The following ACAD10 variants were observed in gnomAD, a reference collection of about 807,000 sequenced individuals.
The protein encoded by ACAD10 is ACAD-10.
Under a neutral mutation model 116.8 loss-of-function variants are expected in ACAD10, and 112 were observed. The observed-to-expected ratio is 0.96, with a 90% confidence interval of 0.82 to 1.12. The LOEUF (loss-of-function observed/expected upper bound fraction) is 1.12. Ranked by LOEUF, ACAD10 falls within the 50% of genes most tolerant of loss-of-function variation. The pLI is 0.00. For missense variants in ACAD10, 1,259 were observed against 1,350.2 expected, an observed-to-expected ratio of 0.93 and a Z score of 1.06; for synonymous variants, 486 against 510.6, an observed-to-expected ratio of 0.95 and a Z score of 0.65.
In ACAD10 at chr12:111,736,956, T is replaced by C. The variant is rs1029251034; in HGVS notation, c.1666T>C (p.Phe556Leu). 1 of 1,614,012 alleles carries C rather than the reference T, an allele frequency of 6.2e-7. No homozygotes were observed. Among genetic ancestry groups the C allele is most frequent in the Middle Eastern group, 1.7e-4 (1 of 6,060 alleles). The change falls in exon 12 of 21, where the codon TTC becomes CTC. Residue 556 changes from phenylalanine to leucine, a missense_variant. Physicochemically the swap from Phe to Leu is conservative, Grantham distance 22. Transcript: ENST00000313698. The part of the protein sequence containing the change: ...NWNFYMAFSF[F>L]RVAAILQGVY... Reference sequence around the variant, plus strand: ...GAACTTCTATATGGCTTTTTCCTTTTTCCGTGTGGCTGCAATCCTACAGGG... The same window carrying C: ...GAACTTCTATATGGCTTTTTCCTTTCTCCGTGTGGCTGCAATCCTACAGGG...
intron 18 of ACAD10, among the ~76,000 whole-genome samples, chr12:111,749,947 G>A (rs1228937861): frequency 3.3e-5 from 5 of 150,780 alleles, no homozygotes; most frequent in Non-Finnish European, 5.9e-5. Flanking sequence ...GCTAATTTTT[G>A]TATTTTTAGT....
chr12:111,755,831 A>G, intron 20 of ACAD10, 86 bp downstream of exon 20: 1 of 1,295,836 alleles, frequency 7.7e-7, no homozygotes. Flanking sequence ...AGCCTCCCAT[A>G]GACCCTGGCA....
chr12:111,746,013 T>C lies in ACAD10; in HGVS notation c.2116-131T>C, dbSNP rs1307509742. On this transcript the variant is annotated intron_variant, in intron 13 of 20. Transcript: ENST00000313698. ...CAGCCACCATGCCCAGCTCCTCATATCATTTTTTTGGGCACACGTGCATGT... is the reference window on the plus strand; with the variant it reads ...CAGCCACCATGCCCAGCTCCTCATACCATTTTTTTGGGCACACGTGCATGT... 6.0e-6 allele frequency: 7 copies of C among 1,160,012 alleles called. No homozygotes were observed. In the Admixed American group the frequency reaches 1.0e-4, roughly 17 times the overall value. The allele number at this position is 1,160,012 out of a possible 1,614,324, so 71.9% of individuals were successfully genotyped here. A position where few individuals can be genotyped will look rare whatever the true frequency, so the allele number is the denominator to read the frequency against.
At chr12:111,738,759 CAG>C (rs1226554230) in intron 12 of ACAD10, among the ~76,000 whole-genome samples, 9 of 151,630 alleles carry the variant, frequency 5.9e-5, no homozygotes, top group Admixed American at 1.3e-4. Context: ...CCCAGCTACT[CAG>C]GGGACTGAGG....
chr12:111,727,879 A>C, intron 8 of ACAD10, 83 bp from the exon 9 acceptor site: 2 of 1,386,472 alleles, frequency 1.4e-6, no homozygotes, highest in Non-Finnish European at 2.0e-6. Flanking sequence ...ATACCCAGGG[A>C]AAGTGACAAA....
chr12:111,723,708 G>A (rs1211397257), intron 8 of ACAD10, among the ~76,000 whole-genome samples: 2 of 149,678 alleles, frequency 1.3e-5, no homozygotes, highest in East Asian at 4.2e-4. Flanking sequence ...CTCCCTCCCG[G>A]ACGGGGTGGC....
intron 7 of ACAD10, among the ~76,000 whole-genome samples, chr12:111,716,208 T>TC (rs888476023): frequency 7.4e-5 from 11 of 147,954 alleles, no homozygotes; most frequent in South Asian, 2.2e-4. Context: ...CTACCCCCCA[T>TC]CCCCCCCCAA....
chr12:111,713,138 C>G (rs1888740614), intron 6 of ACAD10, among the ~76,000 whole-genome samples: 1 of 151,820 alleles, frequency 6.6e-6, no homozygotes, highest in African/African-American at 2.4e-5. Context: ...TGGTGAAACC[C>G]TGTCTCTACT....
At chr12:111,741,867 C>G (rs1051178289) in intron 12 of ACAD10, among the ~76,000 whole-genome samples, 3 of 152,134 alleles carry the variant, frequency 2.0e-5, no homozygotes, top group Non-Finnish European at 2.9e-5. Context: ...GTATCTGTTT[C>G]CAAGACATTC....
intron 7 of ACAD10, among the ~76,000 whole-genome samples, chr12:111,719,867 A>C (rs1035393122): frequency 6.6e-6 from 1 of 152,036 alleles, no homozygotes. Context: ...AGATGGGACT[A>C]CAGGTGCCCA....
chr12:111,718,067 T>C (rs1300364475), intron 7 of ACAD10, among the ~76,000 whole-genome samples: 1 of 123,178 alleles, frequency 8.1e-6, no homozygotes, highest in East Asian at 4.5e-4. Context: ...TTTTTTTTTT[T>C]GAAATGGAGT....
At chr12:111,747,461 G>C in intron 16 of ACAD10, 76 bp downstream of exon 16, 1 of 1,593,472 alleles carries the variant, frequency 6.3e-7, no homozygotes. Context: ...CAATGCCTGG[G>C]AGGAGCCTCT....
chr12:111,701,713 C>T (rs187717480), intron 2 of ACAD10, among the ~76,000 whole-genome samples: 2 of 152,148 alleles, frequency 1.3e-5, no homozygotes, highest in South Asian at 2.1e-4. Flanking sequence ...GCATTTCAGG[C>T]GAACATTTCA....
At position 111,755,729 on chromosome 12, in the gene ACAD10, T is replaced by A; in HGVS notation, c.3023T>A (p.Ile1008Asn). The change falls in exon 20 of 21, where the codon ATT (isoleucine) becomes AAT (asparagine). Residue 1008 changes from isoleucine (I) to asparagine (N), a missense_variant. By Grantham distance (149) the Ile-to-Asn change is moderately radical. Transcript: ENST00000313698. ...MVAPSMASRVIDRAIQAFGAA... is the reference protein window; with the variant it reads ...MVAPSMASRVNDRAIQAFGAA... ...GCCCCGTCCATGGCCTCCCGAGTGA[T>A]TGATCGTGCGATTCAGGTGAGCACA... The A allele has an allele frequency of 6.2e-7, 1 of 1,613,914 alleles. No homozygotes were observed. The highest frequency in any genetic ancestry group is 1.1e-5 in the South Asian group (1 of 91,078).
intron 8 of ACAD10, among the ~76,000 whole-genome samples, chr12:111,722,941 C>A (rs1889063597): frequency 6.6e-6 from 1 of 151,830 alleles, no homozygotes; most frequent in African/African-American, 2.4e-5. Context: ...AGAGGGGCTC[C>A]TCACTTCCCA....
At chr12:111,732,533 C>A (rs774575908) in intron 10 of ACAD10, among the ~76,000 whole-genome samples, 1 of 152,076 alleles carries the variant, frequency 6.6e-6, no homozygotes, top group Non-Finnish European at 1.5e-5. Flanking sequence ...AACAAAAAAG[C>A]ACGTACAATA....
At chr12:111,691,168 G>A (rs189849900) in intron 1 of ACAD10, 3 of 152,162 alleles carry the variant, frequency 2.0e-5, no homozygotes, top group Admixed American at 6.6e-5. Context: ...AGTGTATATA[G>A]GTATGCATCT....
At chr12:111,715,748 TAGAA>T in intron 6 of ACAD10, 69 bp from the exon 7 acceptor site, 1 of 1,599,416 alleles carries the variant, frequency 6.3e-7, no homozygotes, top group South Asian at 1.1e-5. Flanking sequence ...CAGAACTCAT[TAGAA>T]AGAAAGAATG....
rs545900927 is a variant in ACAD10 at position 111,714,618 on chromosome 12, C to A, written c.851-1203C>A. ...CAGAGGTTGCAGTGAGCTGAGATCACGCCACTGCACTCCAGCCTGGACGAC... is the reference window on the plus strand; with the variant it reads ...CAGAGGTTGCAGTGAGCTGAGATCAAGCCACTGCACTCCAGCCTGGACGAC... On this transcript the variant is annotated intron_variant, in intron 6 of 20. Coordinates refer to ENST00000313698, the MANE Select transcript of ACAD10 (RefSeq NM_025247.6). 6.5e-4 allele frequency among the ~76,000 whole-genome samples: 97 copies of A among 149,638 alleles called. 2 individuals carry two copies. Among genetic ancestry groups the A allele is most frequent in the South Asian group, 6.8e-4 (3 of 4,418 alleles).
Sources: allele counts gnomAD v4.1 joint callset (sites outside exome capture counted in the v4.1 genomes callset), GRCh38; gene constraint gnomAD v4.1.1; transcripts MANE v1.5; gene names NCBI Gene and HGNC (gene_info 2026-07-23, HGNC 2026-07-21).